INTS11: variants seen among roughly 807,000 people sequenced by gnomAD.
The protein encoded by INTS11 is integrator complex subunit 11, also known as CPSF3-like protein.
A neutral mutation model predicts 78.6 loss-of-function variants in INTS11; 77 were observed. The observed-to-expected ratio is 0.98, with a 90% CI of 0.81 to 1.18. The LOEUF is 1.18. Ranked by LOEUF, INTS11 falls within the 50% of genes most tolerant of loss-of-function variation. INTS11 has a pLI of 0.00. For synonymous variants in INTS11, 441 were observed against 326.9 expected (o/e 1.35, Z -3.77); for missense variants, 875 against 825.9 (o/e 1.06, Z -0.73).
chr1:1,322,054 G>A, intron 1 of INTS11: 2 of 1,046,802 alleles, frequency 1.9e-6, no homozygotes, highest in Non-Finnish European at 2.5e-6. Context: ...TGAGCTCTCT[G>A]AGAGCAGGGT....
chr1:1,318,590 C>T (rs1476285387), intron 4 of INTS11: 12 of 309,782 alleles, frequency 3.9e-5, no homozygotes, highest in African/African-American at 1.1e-4. Context: ...CCCGGGAGGC[C>T]GAGGCTGCAG....
At chr1:1,324,443 G>A (rs895873839) in intron 1 of INTS11, 138 bp downstream of exon 1, 13 of 847,152 alleles carry the variant, frequency 1.5e-5, no homozygotes, top group Non-Finnish European at 2.0e-5. Context: ...TCCCACCAGG[G>A]CCCGCGCGGG....
chr1:1,312,213 G>GGCCCCCCCCCCCCCCC lies in INTS11; in HGVS notation c.1607+12_1607+13insGGGGGGGGGGGGGGGC. ...CCCAAGGGAGTGGGGGGGGGGCGGG[G>GGCCCCCCCCCCCCCCC]CCGGGCGCCCACCTCTTGAGGTGGC... On this transcript the variant is annotated intron_variant, in intron 15 of 16. Transcript: ENST00000435064. The GGCCCCCCCCCCCCCCC allele has an allele frequency of 2.0e-5, 19 of 933,828 alleles. No individual in the cohort carries two copies. The highest frequency in any genetic ancestry group is 7.2e-5 in the Admixed American group (3 of 41,570). The allele number at this position is 933,828 out of a possible 1,614,324, so 57.8% of individuals were successfully genotyped here. A position where few individuals can be genotyped will look rare whatever the true frequency, so the allele number is the denominator to read the frequency against.
Position 1,314,608 on chromosome 1 carries a change from C to G in INTS11, c.702+216G>C. 1.5e-6 allele frequency: 1 copy of G among 662,860 alleles called. No individual in the cohort carries two copies. Among genetic ancestry groups the G allele is most frequent in the South Asian group, 2.0e-5 (1 of 49,894 alleles). 41.1% of individuals were successfully genotyped at this position (662,860 alleles called of 1,614,324 possible). On this transcript the variant is annotated intron_variant, in intron 7 of 16. Coordinates refer to ENST00000435064, the MANE Select transcript of INTS11 (RefSeq NM_017871.6). The surrounding 1 kb of genome is among the most constrained non-coding windows in gnomAD (Gnocchi z 4.2). ...AGAGACAGAAGGAGCCTGGCCAGGG[C>G]TTCGTCCGCACCTGAGGTAGGAGGG... is the stretch of plus-strand genomic sequence containing the variant.
intron 12 of INTS11, 39 bp downstream of exon 12, chr1:1,312,748 A>C: frequency 1.3e-6 from 2 of 1,595,550 alleles, no homozygotes; most frequent in Non-Finnish European, 1.7e-6. Flanking sequence ...GCCCGTGCTG[A>C]CCCGAGGTGG....
In INTS11 at chr1:1,314,336, G is replaced by C. The variant is rs565251605; in HGVS notation, c.732C>G (p.Arg244=). The C allele has an allele frequency of 6.2e-7, 1 of 1,607,130 alleles. No homozygotes were observed. Among genetic ancestry groups the C allele is most frequent in the African/African-American group, 1.3e-5 (1 of 74,882 alleles). The stretch of plus-strand genomic sequence containing the variant: ...CCAGGAGGATGCAGAGCTCCTGGGC[G>C]CGGCCCAGCGCGAACACAGGTATCA... ...KVLIPVFALG[R]AQELCILLET... is the part of the protein sequence containing the mutation. Residue 244 remains arginine (R), a synonymous_variant, in exon 8 of 17, where the codon CGC becomes CGG. Coordinates refer to ENST00000435064, the MANE Select transcript of INTS11 (RefSeq NM_017871.6). The surrounding 1 kb of genome is among the most constrained non-coding windows in gnomAD (Gnocchi z 4.2).
intron 8 of INTS11, 37 bp from the exon 9 acceptor site, chr1:1,313,958 G>A (rs758778950): frequency 7.5e-6 from 12 of 1,593,966 alleles, no homozygotes; most frequent in Admixed American, 3.4e-5. Flanking sequence ...AGTGGCCACA[G>A]GGGAGAATGC....
intron 9 of INTS11, 21 bp from the exon 10 acceptor site, chr1:1,313,613 G>C: frequency 1.9e-6 from 3 of 1,612,772 alleles, no homozygotes; most frequent in Admixed American, 1.7e-5. Flanking sequence ...CACAGGGCCA[G>C]GTGGGGGGTC....
In INTS11 at chr1:1,313,096, C is replaced by T. The variant is rs1167534126; in HGVS notation, c.1070G>A (p.Gly357Asp). The change falls in exon 11 of 17, where the codon GGC (glycine) becomes GAC (aspartate). Residue 357 changes from glycine to aspartate, a missense_variant. Coordinates refer to ENST00000435064, the MANE Select transcript of INTS11 (RefSeq NM_017871.6). ...MVIMPGYCVQGTVGHKILSGQ... is the reference protein window; with the variant it reads ...MVIMPGYCVQDTVGHKILSGQ... ...GCTGAGGATCTTGTGGCCGACGGTG[C>T]CCTGCACGCAGTAGCCGGGCATGAT... 6.2e-7 allele frequency: 1 copy of T among 1,608,762 alleles called. No homozygotes were observed. The highest frequency in any genetic ancestry group is 1.1e-5 in the South Asian group (1 of 91,036).
At position 1,314,529 on chromosome 1, in the gene INTS11, G is replaced by A; in HGVS notation, c.703-164C>T. On this transcript the variant is annotated intron_variant, in intron 7 of 16. Coordinates refer to ENST00000435064, the MANE Select transcript of INTS11 (RefSeq NM_017871.6). This position sits in a 1 kb window ranked among gnomAD's most constrained non-coding sequence, Gnocchi z 4.2. ...CCAGCCGCTCTCCAGAGACAGAAGG[G>A]AGCCGTATGAGAGACAGGAGGGAGC... 1 of 666,962 alleles carries A rather than the reference G, an allele frequency of 1.5e-6. No homozygotes were observed. The highest frequency in any genetic ancestry group is 2.5e-6 in the Non-Finnish European group (1 of 393,862). The allele number at this position is 666,962 out of a possible 1,614,324, so 41.3% of individuals were successfully genotyped here.
At position 1,314,214 on chromosome 1, in the gene INTS11, C is replaced by T. The variant is rs1038260251; in HGVS notation, c.767+87G>A. 5.1e-5 allele frequency: 65 copies of T among 1,274,346 alleles called. No homozygotes were observed. Among genetic ancestry groups the T allele is most frequent in the Non-Finnish European group, 6.5e-5 (58 of 895,504 alleles). The allele number at this position is 1,274,346 out of a possible 1,614,324, so 78.9% of individuals were successfully genotyped here. A position where few individuals can be genotyped will look rare whatever the true frequency, so the allele number is the denominator to read the frequency against. On this transcript the variant is annotated intron_variant, in intron 8 of 16. Coordinates refer to ENST00000435064, the MANE Select transcript of INTS11 (RefSeq NM_017871.6). This position sits in a 1 kb window ranked among gnomAD's most constrained non-coding sequence, Gnocchi z 4.2. ...GCAGCAAGCAGGGCCAAGATGCCAC[C>T]GCTACGCTGGACAGGGCTGCCCACC...
Position 1,320,494 on chromosome 1 carries a change from G to A in INTS11, c.162C>T (p.Asn54=), listed in dbSNP as rs148107611. The change falls in exon 3 of 17, where the codon AAC becomes AAT. Residue 54 remains asparagine, a synonymous_variant. Transcript: ENST00000435064. ...AGTCCAGGAAGTCTGTTAGGCGGCCGTTCTGGGTGATGTAGGAGAAGTCAG... is the reference window on the plus strand; with the variant it reads ...AGTCCAGGAAGTCTGTTAGGCGGCCATTCTGGGTGATGTAGGAGAAGTCAG... The part of the protein sequence containing the change: ...RFPDFSYITQ[N]GRLTDFLDCV... 1.9e-5 allele frequency: 30 copies of A among 1,613,828 alleles called. No homozygotes were observed. The highest frequency in any genetic ancestry group is 5.0e-5 in the Admixed American group (3 of 60,000).
chr1:1,323,731 C>T (rs1268327435), intron 1 of INTS11, among the ~76,000 whole-genome samples: 2 of 150,220 alleles, frequency 1.3e-5, no homozygotes, highest in African/African-American at 2.5e-5. Context: ...TTTAGGAGTA[C>T]ATATTTGCGT....
intron 1 of INTS11, chr1:1,321,807 G>T: frequency 1.2e-6 from 1 of 867,586 alleles, no homozygotes; most frequent in Non-Finnish European, 1.6e-6. Context: ...CCCCTCATGT[G>T]GCCTGGGGGC....
chr1:1,324,597 G>A lies in INTS11; in HGVS notation c.12C>T (p.Ile4=). 6 of 1,597,856 alleles carry A rather than the reference G, an allele frequency of 3.8e-6. No homozygotes were observed. The highest frequency in any genetic ancestry group is 5.1e-6 in the Non-Finnish European group (6 of 1,174,072). The part of the protein sequence containing the change: MPE[I]RVTPLGAGQD... ...CCCACTCACCCAAGGGCGTGACTCT[G>A]ATCTCAGGCATCGTCTCCGCCGCGC... The change falls in exon 1 of 17, where the codon ATC becomes ATT. Residue 4 remains isoleucine (I), a synonymous_variant. Transcript: ENST00000435064.
In INTS11 at chr1:1,320,507, T is replaced by C. The variant is rs749600846; in HGVS notation, c.149A>G (p.Tyr50Cys). The change falls in exon 3 of 17, where the codon TAC (tyrosine) becomes TGC (cysteine). Residue 50 changes from tyrosine to cysteine, a missense_variant. Physicochemically the swap from Tyr to Cys is radical, Grantham distance 194 (BLOSUM62 -2). Coordinates refer to ENST00000435064, the MANE Select transcript of INTS11 (RefSeq NM_017871.6). ...NDDRRFPDFS[Y>C]ITQNGRLTDF... The stretch of plus-strand genomic sequence containing the variant: ...TGTTAGGCGGCCGTTCTGGGTGATG[T>C]AGGAGAAGTCAGGGAAGCGTCGCTA... The C allele has an allele frequency of 6.2e-7, 1 of 1,613,842 alleles. No individual in the cohort carries two copies. Among genetic ancestry groups the C allele is most frequent in the Non-Finnish European group, 8.5e-7 (1 of 1,179,878 alleles).
intron 1 of INTS11, 89 bp from the exon 2 acceptor site, chr1:1,321,182 G>A (rs1642926069): frequency 3.0e-6 from 3 of 1,011,370 alleles, no homozygotes; most frequent in African/African-American, 1.6e-5. Flanking sequence ...GTGCACTGAG[G>A]AAACCGGACC....
chr1:1,323,212 G>GT (rs1485167405), intron 1 of INTS11: 3 of 1,550,196 alleles, frequency 1.9e-6, no homozygotes, highest in Non-Finnish European at 2.6e-6. Flanking sequence ...TCCCGTCCTG[G>GT]TGTCTGTGCT....
chr1:1,315,916 A>C (rs1055194466), intron 4 of INTS11, among the ~76,000 whole-genome samples: 1 of 152,146 alleles, frequency 6.6e-6, no homozygotes, highest in Non-Finnish European at 1.5e-5. Context: ...TCCAGTTCAC[A>C]AGGGACGGGC....
Sources: allele counts gnomAD v4.1 joint callset (sites outside exome capture counted in the v4.1 genomes callset), GRCh38; gene constraint gnomAD v4.1.1; non-coding constraint Gnocchi (gnomAD v3.1); transcripts MANE v1.5; gene names NCBI Gene and HGNC (gene_info 2026-07-23, HGNC 2026-07-21).